The following ABI3BP variants were observed in gnomAD, a reference collection of about 807,000 sequenced individuals.
ABI3BP encodes target of Nesh-SH3.
A neutral mutation model predicts 268.6 loss-of-function variants in ABI3BP; 216 were observed. The ratio of observed to expected loss-of-function variants is 0.80; its 90% CI spans 0.72 to 0.90. The LOEUF is 0.90. Among genes scored for constraint, ABI3BP ranks in the 40% least tolerant of loss-of-function variants. The pLI is 0.00. For missense variants in ABI3BP, 2,090 were observed against 2,182.4 expected (o/e 0.96, Z 0.84); for synonymous variants, 730 against 730.0 (o/e 1.00, Z 0.00).
chr3:100,751,832 C>G (rs2095345647), intron 66 of ABI3BP, among the ~76,000 whole-genome samples, 158 bp from the exon 67 acceptor site: 2 of 152,198 alleles, frequency 1.3e-5, no homozygotes, highest in African/African-American at 4.8e-5. Context: ...TCTTCCTCCC[C>G]TCCCTTTCAG....
intron 1 of ABI3BP, among the ~76,000 whole-genome samples, chr3:100,975,403 T>C (rs1218108230): frequency 6.6e-6 from 1 of 152,088 alleles, no homozygotes; most frequent in Admixed American, 6.6e-5. Flanking sequence ...TCTAGCTGCC[T>C]TGGGGGAGAT....
intron 63 of ABI3BP, among the ~76,000 whole-genome samples, chr3:100,756,236 T>A (rs1443055087): frequency 6.6e-6 from 1 of 152,188 alleles, no homozygotes; most frequent in Admixed American, 6.6e-5. Context: ...TTCAAAACTT[T>A]AAAACTGGCC....
At chr3:100,978,944 G>A (rs1254597466) in intron 1 of ABI3BP, among the ~76,000 whole-genome samples, 1 of 152,198 alleles carries the variant, frequency 6.6e-6, no homozygotes, top group African/African-American at 2.4e-5. Flanking sequence ...AGTGGGGGAG[G>A]TTAGGGGAGG....
chr3:100,899,658 G>A (rs1465001663), intron 3 of ABI3BP, among the ~76,000 whole-genome samples: 1 of 152,092 alleles, frequency 6.6e-6, no homozygotes, highest in Non-Finnish European at 1.5e-5. Context: ...GTAGGGCAGC[G>A]AAAAACAGGA....
chr3:100,977,689 C>T (rs997598367), intron 1 of ABI3BP, among the ~76,000 whole-genome samples: 3 of 152,142 alleles, frequency 2.0e-5, no homozygotes, highest in African/African-American at 4.8e-5. Context: ...TTTCACTTCA[C>T]TTTTTCCATA....
chr3:100,796,004 C>G (rs73152412), intron 52 of ABI3BP, among the ~76,000 whole-genome samples, 153 bp from the exon 53 acceptor site: 21,030 of 151,976 alleles, frequency 0.14, 1,887 homozygotes, highest in South Asian at 0.27. Flanking sequence ...ACATTAGATG[C>G]CAATCAGAGA....
chr3:100,854,461 C>A (rs1221168840), intron 14 of ABI3BP, among the ~76,000 whole-genome samples: 1 of 152,104 alleles, frequency 6.6e-6, no homozygotes, highest in Admixed American at 6.5e-5. Context: ...TTTATAAAAC[C>A]CTTCTATATA....
chr3:100,938,582 G>A (rs919675123), intron 1 of ABI3BP, among the ~76,000 whole-genome samples: 18 of 152,096 alleles, frequency 1.2e-4, no homozygotes, highest in African/African-American at 4.3e-4. Flanking sequence ...GTAGTCTTGT[G>A]TGTTAGTCCG....
Position 100,869,330 on chromosome 3 carries a change from G to GTTTTTTTTTTTTTTTTTT in ABI3BP, c.911-2392_911-2375dup, listed in dbSNP as rs144604645. On this transcript the variant is annotated intron_variant, in intron 9 of 67. Transcript: ENST00000471714. ...ATATTGTTTTTTCTTCTTCTTTTTG[G>GTTTTTTTTTTTTTTTTTT]TTTTTTTTTTTTTTTTTTTTTTTTT... Among the ~76,000 whole-genome samples the GTTTTTTTTTTTTTTTTTT allele has an allele frequency of 6.1e-3, 302 of 49,740 alleles. 42 individuals carry two copies. The highest frequency in any genetic ancestry group is 0.013 in the East Asian group (17 of 1,290). 32.6% of individuals were successfully genotyped at this position (49,740 alleles called of 152,430 possible). A position where few individuals can be genotyped will look rare whatever the true frequency, so the allele number is the denominator to read the frequency against.
chr3:100,895,764 G>C (rs7609734), intron 4 of ABI3BP, among the ~76,000 whole-genome samples: 61,850 of 152,072 alleles, frequency 0.41, 13,438 homozygotes, highest in Non-Finnish European at 0.49. Context: ...TACTGGATTA[G>C]TCTAAATTAT....
chr3:100,808,153 A>G lies in ABI3BP; in HGVS notation c.3682+8T>C. The G allele has an allele frequency of 3.1e-6, 5 of 1,609,156 alleles. No individual in the cohort carries two copies. Among genetic ancestry groups the G allele is most frequent in the Admixed American group, 1.7e-5 (1 of 59,642 alleles). On this transcript the variant is annotated splice_region_variant and intron_variant, in intron 50 of 67. Transcript: ENST00000471714. ...CTTTTCAAGCTAAAATGTAAAATAT[A>G]TATTTACCTGGTTGTGTTTGTGGGA... is the stretch of plus-strand genomic sequence containing the variant.
chr3:100,964,674 C>T (rs2080583738), intron 1 of ABI3BP, among the ~76,000 whole-genome samples: 1 of 152,186 alleles, frequency 6.6e-6, no homozygotes, highest in African/African-American at 2.4e-5. Flanking sequence ...TTCTTCACTT[C>T]AGTATTTCTA....
intron 66 of ABI3BP, chr3:100,752,529 G>T: frequency 2.9e-6 from 1 of 346,932 alleles, no homozygotes; most frequent in Non-Finnish European, 5.3e-6. Flanking sequence ...TTTGACCATG[G>T]TTAGTGAATG....
intron 34 of ABI3BP, 111 bp downstream of exon 34, chr3:100,828,282 G>C: frequency 1.1e-6 from 1 of 921,118 alleles, no homozygotes; most frequent in Non-Finnish European, 1.6e-6. Context: ...CTTGTTTTAT[G>C]CATGTTCAAC....
intron 1 of ABI3BP, among the ~76,000 whole-genome samples, chr3:100,980,469 C>T (rs531156618): frequency 2.0e-5 from 3 of 152,224 alleles, no homozygotes; most frequent in African/African-American, 7.2e-5. Flanking sequence ...ACATTTTTTT[C>T]CAGTATTCAC....
At chr3:100,788,705 A>G (rs937018274) in intron 56 of ABI3BP, among the ~76,000 whole-genome samples, 2 of 152,288 alleles carry the variant, frequency 1.3e-5, no homozygotes, top group African/African-American at 4.8e-5. Context: ...TTATAACAAA[A>G]TATATGGACT....
chr3:100,816,470 C>G (rs1325076409), intron 43 of ABI3BP: 1 of 624,134 alleles, frequency 1.6e-6, no homozygotes, highest in Non-Finnish European at 2.9e-6. Flanking sequence ...TCATCCAAAC[C>G]AAGTCATTTA....
chr3:100,914,678 T>C (rs930439685), intron 2 of ABI3BP, among the ~76,000 whole-genome samples: 2 of 152,030 alleles, frequency 1.3e-5, no homozygotes, highest in African/African-American at 4.8e-5. Context: ...GCAGCATTGA[T>C]TGGAAGAGAG....
rs370814093 is a variant in ABI3BP at position 100,796,371 on chromosome 3, T to C, written c.3817+38A>G. The C allele has an allele frequency of 3.3e-5, 49 of 1,485,968 alleles. No homozygotes were observed. The highest frequency in any genetic ancestry group is 2.4e-4 in the African/African-American group (17 of 69,444). 92.0% of individuals were successfully genotyped at this position (1,485,968 alleles called of 1,614,324 possible). ...TTCAAGAATTTTTTTTTTTGAAAAA[T>C]ATACTTCTTAGCCAGAAGGATGAAA... On this transcript the variant is annotated intron_variant, in intron 52 of 67. Transcript: ENST00000471714.
Sources: gnomAD v4.1 joint callset for allele counts (sites outside exome capture counted in the v4.1 genomes callset) on GRCh38, gnomAD v4.1.1 for gene constraint, MANE v1.5 for transcripts, NCBI Gene and HGNC (gene_info 2026-07-23, HGNC 2026-07-21) for gene names.